Variants in KIF27 observed in about 807,000 individuals in gnomAD.
KIF27 encodes kinesin family member 27.
A neutral mutation model predicts 141.8 loss-of-function variants in KIF27; 84 were observed. The ratio of observed to expected loss-of-function variants is 0.59; its 90% confidence interval spans 0.50 to 0.71. KIF27 has a LOEUF of 0.71. Among genes scored for constraint, KIF27 ranks in the 30% least tolerant of loss-of-function variants. The pLI is 0.00. For synonymous variants in KIF27, 471 were observed against 569.5 expected (o/e 0.83, Z 2.46); for missense variants, 1,306 against 1,628.4 (o/e 0.80, Z 3.41).
intron 12 of KIF27, among the ~76,000 whole-genome samples, chr9:83,870,247 G>GC: frequency 6.6e-6 from 1 of 151,804 alleles, no homozygotes; most frequent in Non-Finnish European, 1.5e-5. Flanking sequence ...GCTCACTGCA[G>GC]CCTCCACCTC....
At chr9:83,881,489 A>C (rs968590447) in intron 10 of KIF27, among the ~76,000 whole-genome samples, 4 of 152,342 alleles carry the variant, frequency 2.6e-5, no homozygotes, top group African/African-American at 9.6e-5. Flanking sequence ...GTGCTACTCA[A>C]AATGTGATCT....
intron 5 of KIF27, among the ~76,000 whole-genome samples, chr9:83,895,262 GAAA>G (rs541025571): frequency 1.2e-5 from 1 of 83,000 alleles, no homozygotes; most frequent in Admixed American, 1.5e-4. Flanking sequence ...ACTCTGCCTC[GAAA>G]AAAAAAAAAA....
chr9:83,892,747 A>T (rs1434488857), intron 5 of KIF27, among the ~76,000 whole-genome samples: 1 of 152,208 alleles, frequency 6.6e-6, no homozygotes, highest in African/African-American at 2.4e-5. Flanking sequence ...ATCAAAAGAA[A>T]GCTGGTGTAG....
At chr9:83,882,715 A>T (rs1396710707) in intron 10 of KIF27, among the ~76,000 whole-genome samples, 1 of 152,070 alleles carries the variant, frequency 6.6e-6, no homozygotes, top group Non-Finnish European at 1.5e-5. Flanking sequence ...CCTTATCAGT[A>T]CTCTTAGCAG....
chr9:83,848,323 CTA>C (rs1564287949), intron 16 of KIF27, among the ~76,000 whole-genome samples: 1 of 86,776 alleles, frequency 1.2e-5, no homozygotes, highest in African/African-American at 5.0e-5. Flanking sequence ...TATCATATAT[CTA>C]TATATCTATA....
Position 83,850,148 on chromosome 9 carries a change from CTGGAGGG to C in KIF27, c.3500_3506del (p.Thr1167SerfsTer60). On this transcript the variant is annotated frameshift_variant, in exon 16 of 18. Transcript: ENST00000297814. LOFTEE classifies it high-confidence loss of function. ...GCATCTTTTGTTCGTGTTCCTTTTG[CTGGAGGG>C]TCAGTCTCCGGTCACACTGCAATTT... 1 of 1,613,930 alleles carries C rather than the reference CTGGAGGG, an allele frequency of 6.2e-7. No homozygotes were observed.
At position 83,891,406 on chromosome 9, in the gene KIF27, A is replaced by G. The variant is rs1952667127; in HGVS notation, c.1698T>C (p.Asn566=). The part of the protein sequence containing the change: ...NLSVTSSAKE[N]CGDGPDARIP... ...TCCTGGCATCTGGCCCATCTCCACA[A>G]TTTTCTTTAGCTGAAGAAGTCACTG... Residue 566 remains asparagine (N), a synonymous_variant, in exon 6 of 18, where the codon AAT becomes AAC. Transcript: ENST00000297814. 1.2e-6 allele frequency: 2 copies of G among 1,613,680 alleles called. No homozygotes were observed. The highest frequency in any genetic ancestry group is 1.3e-5 in the African/African-American group (1 of 74,862).
rs1182466774 is a variant in KIF27, at chr9:83,880,280, A to G, written c.2643+17T>C. 1.6e-5 allele frequency: 26 copies of G among 1,613,536 alleles called. No homozygotes were observed. The highest frequency in any genetic ancestry group is 2.0e-5 in the Non-Finnish European group (24 of 1,179,734). On this transcript the variant is annotated intron_variant, in intron 11 of 17. Coordinates refer to ENST00000297814, the MANE Select transcript of KIF27 (RefSeq NM_017576.4). The stretch of plus-strand genomic sequence containing the variant: ...ACATTTCATATTATACTTAGCAGGA[A>G]TGTATGACAATATTACTTTGATTTT...
chr9:83,897,675 A>G (rs577369055), intron 5 of KIF27, among the ~76,000 whole-genome samples: 5 of 152,338 alleles, frequency 3.3e-5, no homozygotes, highest in Admixed American at 6.5e-5. Flanking sequence ...AAAGCAAGCC[A>G]CAGAAAAATT....
intron 3 of KIF27, among the ~76,000 whole-genome samples, chr9:83,906,629 G>C (rs1253083127): frequency 6.6e-6 from 1 of 151,566 alleles, no homozygotes; most frequent in Admixed American, 6.6e-5. Flanking sequence ...GTTAGTCCCA[G>C]CTACTCGGGA....
intron 5 of KIF27, 31 bp downstream of exon 5, chr9:83,899,630 A>G (rs767674902): frequency 5.7e-6 from 9 of 1,582,970 alleles, no homozygotes; most frequent in African/African-American, 1.3e-5. Context: ...TTTCAAGAAA[A>G]TCTACAGAGC....
intron 3 of KIF27, among the ~76,000 whole-genome samples, chr9:83,907,432 T>C (rs1588286117): frequency 6.6e-6 from 1 of 151,970 alleles, no homozygotes; most frequent in East Asian, 1.9e-4. Flanking sequence ...ATCTTTTAAC[T>C]TTCTTCCTTA....
rs1193682117 is a variant in KIF27, at chr9:83,848,111, TATCTGATATATCTGATATCTC to T, written c.3556+1967_3556+1987del. 2.8e-3 allele frequency among the ~76,000 whole-genome samples: 188 copies of T among 66,098 alleles called. 64 individuals are homozygous for T. Among genetic ancestry groups the T allele is most frequent in the African/African-American group, 0.013 (147 of 11,210 alleles). The allele number at this position is 66,098 out of a possible 152,430, so 43.4% of individuals were successfully genotyped here. The stretch of plus-strand genomic sequence containing the variant: ...TATATATGATATATATGATATCTCA[TATCTGATATATCTGATATCTC>T]ATATATGATATATCTGATATATCAT... On this transcript the variant is annotated intron_variant, in intron 16 of 17. Coordinates refer to ENST00000297814, the MANE Select transcript of KIF27 (RefSeq NM_017576.4).
intron 14 of KIF27, 198 bp downstream of exon 14, chr9:83,858,958 A>C: frequency 1.7e-6 from 1 of 593,078 alleles, no homozygotes; most frequent in Non-Finnish European, 3.0e-6. Flanking sequence ...TCCATGGACC[A>C]CTATGTAAGG....
rs1397921850 is a variant in KIF27, at chr9:83,915,393, G to A, written c.199C>T (p.Pro67Ser). 6.2e-7 allele frequency: 1 copy of A among 1,613,786 alleles called. No individual in the cohort carries two copies. Among genetic ancestry groups the A allele is most frequent in the Non-Finnish European group, 8.5e-7 (1 of 1,179,800 alleles). Residue 67 changes from proline to serine, a missense_variant, in exon 2 of 18, where the codon CCC becomes TCC. Physicochemically the swap from Pro to Ser is moderately conservative, Grantham distance 74. Around this residue, in one of 4 missense-constraint regions of KIF27, gnomAD observed 533 missense variants for 565.6 expected, o/e 0.94. Coordinates refer to ENST00000297814, the MANE Select transcript of KIF27 (RefSeq NM_017576.4). ...QDEVYNTCIK[P>S]LVLSLIEGYN... ...CCCTCAATGAGTGACAACACTAGGGGCTTTATACATGTGTTATAAACTTCA... is the reference window on the plus strand; with the variant it reads ...CCCTCAATGAGTGACAACACTAGGGACTTTATACATGTGTTATAAACTTCA...
At chr9:83,853,301 T>A (rs940280398) in intron 15 of KIF27, among the ~76,000 whole-genome samples, 6 of 151,940 alleles carry the variant, frequency 3.9e-5, no homozygotes, top group African/African-American at 1.5e-4. Context: ...GAGTGCCAGG[T>A]AGAACATCCA....
chr9:83,870,759 G>A (rs1401939799), intron 11 of KIF27, 127 bp from the exon 12 acceptor site: 1 of 1,399,864 alleles, frequency 7.1e-7, no homozygotes, highest in Non-Finnish European at 9.3e-7. Flanking sequence ...CACCCAGGCT[G>A]GAGTGCAGTG....
chr9:83,871,025 C>T (rs1346049085), intron 11 of KIF27, among the ~76,000 whole-genome samples: 3 of 152,064 alleles, frequency 2.0e-5, no homozygotes, highest in Non-Finnish European at 4.4e-5. Context: ...ATCCTCTCAC[C>T]TCAGCCTCCC....
At position 83,880,316 on chromosome 9, in the gene KIF27, C is replaced by T. The variant is rs774392358; in HGVS notation, c.2624G>A (p.Arg875Gln). ...KRKQLDAVIK[R>Q]DQQKIKEIQL... The stretch of plus-strand genomic sequence containing the variant: ...TATTACTTTGATTTTTTGCTGGTCC[C>T]GCTTAATTACTGCATCCAGTTGCTT... The change falls in exon 11 of 18, where the codon CGG (arginine) becomes CAG (glutamine). Residue 875 changes from arginine (R) to glutamine (Q), a missense_variant. Arg to Gln is a conservative substitution (Grantham distance 43). This residue lies in a region of KIF27 where 596 missense variants were observed against 751.6 expected (regional missense o/e 0.79). Coordinates refer to ENST00000297814, the MANE Select transcript of KIF27 (RefSeq NM_017576.4). 5.0e-6 allele frequency: 8 copies of T among 1,613,746 alleles called. No homozygotes were observed. The Admixed American group carries it at 5.0e-5, about 10-fold the overall frequency.
Sources: gnomAD v4.1 joint callset for allele counts (sites outside exome capture counted in the v4.1 genomes callset) on GRCh38, gnomAD v4.1.1 for gene constraint, gnomAD v4.1.1 regional missense constraint, MANE v1.5 for transcripts, NCBI Gene and HGNC (gene_info 2026-07-23, HGNC 2026-07-21) for gene names.